Variants in PZP observed in about 807,000 individuals in gnomAD.
PZP encodes the protein PZP alpha-2-macroglobulin like.
In PZP, 150 loss-of-function variants were observed where a neutral mutation model predicts 179.8. That is an observed-to-expected ratio of 0.83 (90% confidence interval 0.73 to 0.96). The LOEUF is 0.96. PZP is among the 40% of genes least tolerant of loss of function. The pLI, the probability that PZP is intolerant of heterozygous loss-of-function variation, is 0.00. For missense variants in PZP, 1,689 were observed against 1,764.0 expected (o/e 0.96, Z 0.76); for synonymous variants, 624 against 652.3 (o/e 0.96, Z 0.66).
rs146239710 is a variant in PZP at position 9,165,295 on chromosome 12, G to T, written c.2331C>A (p.Cys777Ter). Residue 777 changes from cysteine to a stop codon, truncating the protein, a stop_gained, in exon 19 of 36, where the codon TGC becomes TGA. Coordinates refer to ENST00000261336, the MANE Select transcript of PZP (RefSeq NM_002864.3). LOFTEE classifies it high-confidence loss of function. ...TACCAAGTCCAGCATCTTCGGACAG[G>T]CAGAAGGCCCCTGCCTTCCACTCGG... ...TITEWKAGAF[C>*]LSEDAGLGIS... 8.1e-6 allele frequency: 13 copies of T among 1,614,026 alleles called. No homozygotes were observed. In the African/African-American group the frequency reaches 1.5e-4, roughly 18 times the overall value.
At chr12:9,182,262 A>G in intron 13 of PZP, 145 bp from the exon 14 acceptor site, 1 of 680,640 alleles carries the variant, frequency 1.5e-6, no homozygotes, top group Non-Finnish European at 2.1e-6. Flanking sequence ...TCTATGTGCC[A>G]TTAGTTATTT....
intron 7 of PZP, among the ~76,000 whole-genome samples, chr12:9,199,555 T>C (rs1358157545): frequency 3.3e-5 from 5 of 152,118 alleles, no homozygotes; most frequent in Non-Finnish European, 7.4e-5. Flanking sequence ...AGAGGAAAGA[T>C]TAGGCATAAT....
intron 13 of PZP, among the ~76,000 whole-genome samples, chr12:9,184,642 G>A (rs775637413): frequency 1.3e-5 from 2 of 152,356 alleles, no homozygotes; most frequent in East Asian, 3.9e-4. Flanking sequence ...CCTGCAAAGT[G>A]CTTTGGCTGA....
intron 13 of PZP, among the ~76,000 whole-genome samples, chr12:9,185,030 C>T (rs1943016059): frequency 6.6e-6 from 1 of 152,198 alleles, no homozygotes; most frequent in Non-Finnish European, 1.5e-5. Flanking sequence ...CATCTTCTTT[C>T]CTCCAAACAA....
At chr12:9,186,859 G>A (rs187445459) in intron 13 of PZP, among the ~76,000 whole-genome samples, 619 of 149,772 alleles carry the variant, frequency 4.1e-3, no homozygotes, top group Non-Finnish European at 7.3e-3. Flanking sequence ...CGGGGGTGGG[G>A]GGCTGGGGGA....
At chr12:9,167,892 C>T (rs747868304) in intron 17 of PZP, among the ~76,000 whole-genome samples, 5 of 152,020 alleles carry the variant, frequency 3.3e-5, no homozygotes, top group South Asian at 4.2e-4. Context: ...TCTTTATTCT[C>T]GTTATTTATA....
chr12:9,138,333 T>A, the PZP span, among the ~76,000 whole-genome samples: 1 of 152,056 alleles, frequency 6.6e-6, no homozygotes, highest in Admixed American at 6.5e-5. Flanking sequence ...TACTGAACCA[T>A]CCTTGCATCC....
chr12:9,153,163 CAT>C lies in PZP; in HGVS notation c.3953_3954del (p.Tyr1318CysfsTer70), dbSNP rs1334080876. 6.2e-6 allele frequency: 10 copies of C among 1,614,070 alleles called. No individual in the cohort carries two copies. The highest frequency in any genetic ancestry group is 1.3e-5 in the African/African-American group (1 of 74,928). On this transcript the variant is annotated frameshift_variant, in exon 30 of 36. Transcript: ENST00000261336. LOFTEE classifies it high-confidence loss of function. ...CATCTTTCCCCAGTTACTGTTATGA[CAT>C]ATTCTCCAGGGAGCTCTGGCAATGA... is the stretch of plus-strand genomic sequence containing the variant. Reference protein sequence around the residue: ...QISLPELPGEYVITVTGERCV... With the variant: ...QISLPELPGEXVITVTGERCV...
intron 23 of PZP, 46 bp downstream of exon 23, chr12:9,160,987 G>A (rs370386155): frequency 4.3e-6 from 6 of 1,396,462 alleles, no homozygotes; most frequent in South Asian, 1.2e-5. Context: ...AAGATGTACA[G>A]TGGCAACTCT....
chr12:9,193,413 T>C (rs1258881682), intron 11 of PZP, among the ~76,000 whole-genome samples: 1 of 152,200 alleles, frequency 6.6e-6, no homozygotes, highest in East Asian at 1.9e-4. Flanking sequence ...AAACACATCA[T>C]ACTAATAATT....
At chr12:9,161,822 T>C (rs777815263) in intron 22 of PZP, among the ~76,000 whole-genome samples, 2 of 152,364 alleles carry the variant, frequency 1.3e-5, no homozygotes, top group South Asian at 4.1e-4. Flanking sequence ...TAAATGTAAA[T>C]TATTTTCTAC....
intron 10 of PZP, among the ~76,000 whole-genome samples, chr12:9,194,598 G>A (rs1188091115): frequency 6.6e-6 from 1 of 151,784 alleles, no homozygotes; most frequent in Non-Finnish European, 1.5e-5. Flanking sequence ...CCGAGTAGCT[G>A]GGACTACAGG....
chr12:9,159,098 A>G (rs1253615846), intron 25 of PZP, among the ~76,000 whole-genome samples: 1 of 152,166 alleles, frequency 6.6e-6, no homozygotes, highest in Non-Finnish European at 1.5e-5. Flanking sequence ...CATCTAGTAG[A>G]AGGTAGTAAG....
intron 10 of PZP, among the ~76,000 whole-genome samples, chr12:9,195,701 C>T (rs540746751): frequency 2.7e-5 from 4 of 150,308 alleles, no homozygotes; most frequent in East Asian, 1.9e-4. Flanking sequence ...CGATCCTCCC[C>T]CCTTGGCCTC....
intron 7 of PZP, among the ~76,000 whole-genome samples, chr12:9,199,957 C>T (rs912413977): frequency 2.6e-5 from 4 of 152,110 alleles, no homozygotes; most frequent in African/African-American, 7.2e-5. Flanking sequence ...ATTTTTAGGA[C>T]AATTGAAGAT....
At position 9,158,579 on chromosome 12, in the gene PZP, A is replaced by T; in HGVS notation, c.3138-3T>A. On this transcript the variant is annotated splice_polypyrimidine_tract_variant and splice_region_variant and intron_variant, in intron 25 of 35. Transcript: ENST00000261336. ...TCTTCAGTACAAAAGCTGTGAGCCT[A>T]GGGGGAGGAAAAATGCAGTGCTGAG... The T allele has an allele frequency of 1.2e-6, 2 of 1,613,908 alleles. No homozygotes were observed. The highest frequency in any genetic ancestry group is 1.7e-6 in the Non-Finnish European group (2 of 1,179,866).
Position 9,166,411 on chromosome 12 carries a change from C to G in PZP, c.2108-209G>C, listed in dbSNP as rs370043767. Among the ~76,000 whole-genome samples, 9 of 152,222 alleles carry G rather than the reference C, an allele frequency of 5.9e-5. No individual in the cohort carries two copies. The East Asian group carries it at 1.5e-3, about 26-fold the overall frequency. On this transcript the variant is annotated intron_variant, in intron 17 of 35. Transcript: ENST00000261336. Reference sequence around the variant, plus strand: ...GTCAAAGGTGGAAATTCTATGTATCCTAGACATAGCATAATTTGATGTGAA... The same window carrying G: ...GTCAAAGGTGGAAATTCTATGTATCGTAGACATAGCATAATTTGATGTGAA...
chr12:9,143,793 T>A, the PZP span, among the ~76,000 whole-genome samples: 1 of 152,200 alleles, frequency 6.6e-6, no homozygotes, highest in Non-Finnish European at 1.5e-5. Flanking sequence ...AAGCCAAGTT[T>A]GGCAAGGCTG....
chr12:9,171,832 T>C (rs1192925462), intron 15 of PZP, among the ~76,000 whole-genome samples: 1 of 152,102 alleles, frequency 6.6e-6, no homozygotes, highest in African/African-American at 2.4e-5. Context: ...CTGAGAAATA[T>C]GGGATTATGT....
Sources: allele counts gnomAD v4.1 joint callset (sites outside exome capture counted in the v4.1 genomes callset), GRCh38; gene constraint gnomAD v4.1.1; transcripts MANE v1.5; gene names NCBI Gene and HGNC (gene_info 2026-07-23, HGNC 2026-07-21).